DCHS2: variants seen among roughly 807,000 people sequenced by gnomAD.
DCHS2 encodes the protein protocadherin-23.
Under a neutral mutation model 182.4 loss-of-function variants are expected in DCHS2, and 142 were observed. The ratio of observed to expected loss-of-function variants is 0.78; its 90% confidence interval spans 0.68 to 0.89. The LOEUF is 0.89. Ranked by LOEUF, DCHS2 falls within the 40% of genes least tolerant of loss-of-function variation. DCHS2 has a pLI of 0.00. For missense variants in DCHS2, 4,319 were observed against 4,198.6 expected (o/e 1.03, Z -0.79); for synonymous variants, 1,740 against 1,663.3 (o/e 1.05, Z -1.12).
intron 1 of DCHS2, among the ~76,000 whole-genome samples, chr4:154,409,522 C>A (rs954597947): frequency 6.6e-6 from 1 of 152,142 alleles, no homozygotes; most frequent in African/African-American, 2.4e-5. Context: ...ACCTGGCCTC[C>A]TGAGCCTGAG....
intron 3 of DCHS2, among the ~76,000 whole-genome samples, chr4:154,360,660 C>A (rs1730078004): frequency 6.6e-6 from 1 of 152,062 alleles, no homozygotes; most frequent in Non-Finnish European, 1.5e-5. Flanking sequence ...GGTATAAAAT[C>A]TGAGCATAAA....
chr4:154,433,874 A>G (rs1030659981), intron 1 of DCHS2, among the ~76,000 whole-genome samples: 6 of 152,190 alleles, frequency 3.9e-5, no homozygotes, highest in Non-Finnish European at 8.8e-5. Context: ...GTCACTAAAC[A>G]ACAATCTACA....
intron 12 of DCHS2, among the ~76,000 whole-genome samples, chr4:154,304,253 AT>A (rs1200983774): frequency 6.6e-6 from 1 of 152,118 alleles, no homozygotes; most frequent in Non-Finnish European, 1.5e-5. Flanking sequence ...GAAAAACACT[AT>A]CTTTTCCATC....
In DCHS2 at chr4:154,237,054, G is replaced by T. The variant is rs1387031010; in HGVS notation, c.7598C>A (p.Thr2533Asn). ...DGGNPDLRAL[T>N]LVEIGIEDMN... is the part of the protein sequence containing the mutation. The stretch of plus-strand genomic sequence containing the variant: ...ATCTTCTATTCCTATCTCCACTAAA[G>T]TAAGAGCTCTCAGGTCAGGATTTCC... The change falls in exon 20 of 20, where the codon ACT (threonine) becomes AAT (asparagine). Residue 2533 changes from threonine to asparagine, a missense_variant. Transcript: ENST00000357232. The T allele has an allele frequency of 6.2e-7, 1 of 1,613,804 alleles. No homozygotes were observed.
intron 1 of DCHS2, among the ~76,000 whole-genome samples, chr4:154,403,966 C>T (rs185088428): frequency 6.6e-6 from 1 of 151,932 alleles, no homozygotes; most frequent in East Asian, 1.9e-4. Flanking sequence ...ACTTATCTTC[C>T]CTCTCTTTTT....
At position 154,491,281 on chromosome 4, in the gene DCHS2, G is replaced by T; in HGVS notation, c.75C>A (p.Leu25=). 2 of 1,549,744 alleles carry T rather than the reference G, an allele frequency of 1.3e-6. No individual in the cohort carries two copies. Among genetic ancestry groups the T allele is most frequent in the African/African-American group, 1.4e-5 (1 of 73,132 alleles). Residue 25 remains leucine, a synonymous_variant, in exon 1 of 20, where the codon CTC becomes CTA. Transcript: ENST00000357232. The part of the protein sequence containing the change: ...RRAPVGKLLL[L]PGRRDTPHGR... Reference sequence around the variant, plus strand: ...CATGGGGTGTATCTCTCCTCCCGGGGAGCAGAAGGAGCTTCCCGACCGGAG... The same window carrying T: ...CATGGGGTGTATCTCTCCTCCCGGGTAGCAGAAGGAGCTTCCCGACCGGAG...
intron 1 of DCHS2, among the ~76,000 whole-genome samples, chr4:154,466,624 T>C (rs1481101201): frequency 3.3e-5 from 5 of 152,192 alleles, no homozygotes; most frequent in African/African-American, 9.7e-5. Context: ...GGAAAACTGA[T>C]CTATTCGAAT....
chr4:154,410,591 A>AG lies in DCHS2; in HGVS notation c.2053-33148_2053-33147insC, dbSNP rs1407578916. ...CTCCATCTCAAAAAAAAAAAAAAAA[A>AG]AAAAAAAAAATGAAGGCAGCCTATG... On this transcript the variant is annotated intron_variant, in intron 1 of 19. Coordinates refer to ENST00000357232, the MANE Select transcript of DCHS2 (RefSeq NM_001358235.2). Among the ~76,000 whole-genome samples the AG allele has an allele frequency of 5.0e-4, 74 of 149,314 alleles. 2 individuals carry two copies. Among genetic ancestry groups the AG allele is most frequent in the Admixed American group, 4.8e-3 (71 of 14,918 alleles).
chr4:154,298,393 T>A lies in DCHS2; in HGVS notation c.5921A>T (p.Asp1974Val). 1.2e-6 allele frequency: 2 copies of A among 1,614,166 alleles called. No individual in the cohort carries two copies. The highest frequency in any genetic ancestry group is 1.7e-6 in the Non-Finnish European group (2 of 1,180,004). Reference protein sequence around the residue: ...LNGQTEYFLTDEASGAFTIDP... With the variant: ...LNGQTEYFLTVEASGAFTIDP... Reference sequence around the variant, plus strand: ...AATGGTGAATGCACCAGAAGCCTCATCAGTCAGAAAATACTCAGTTTGCCC... The same window carrying A: ...AATGGTGAATGCACCAGAAGCCTCAACAGTCAGAAAATACTCAGTTTGCCC... Residue 1974 changes from aspartate (D) to valine (V), a missense_variant, in exon 13 of 20, where the codon GAT (aspartate) becomes GTT (valine). Transcript: ENST00000357232.
At chr4:154,334,233 AG>A (rs1305769059) in intron 4 of DCHS2, 3 of 152,824 alleles carry the variant, frequency 2.0e-5, no homozygotes, top group Non-Finnish European at 4.4e-5. Flanking sequence ...GGAGAGAGGA[AG>A]GAACAGGAGG....
At chr4:154,281,163 A>G (rs1025838535) in intron 13 of DCHS2, among the ~76,000 whole-genome samples, 2 of 152,102 alleles carry the variant, frequency 1.3e-5, no homozygotes. Flanking sequence ...TTAACACAGT[A>G]TACAAGTCCT....
At chr4:154,359,084 A>G (rs1050739152) in intron 3 of DCHS2, among the ~76,000 whole-genome samples, 1 of 152,000 alleles carries the variant, frequency 6.6e-6, no homozygotes, top group Non-Finnish European at 1.5e-5. Flanking sequence ...ATTTTTCATG[A>G]CACTTGCAAA....
intron 12 of DCHS2, among the ~76,000 whole-genome samples, chr4:154,301,849 G>A (rs1340409290): frequency 6.6e-6 from 1 of 152,124 alleles, no homozygotes; most frequent in East Asian, 1.9e-4. Flanking sequence ...CGAGAATCAT[G>A]AACTCACTGG....
chr4:154,294,277 A>G (rs1734819571), intron 13 of DCHS2, among the ~76,000 whole-genome samples: 1 of 152,214 alleles, frequency 6.6e-6, no homozygotes, highest in African/African-American at 2.4e-5. Flanking sequence ...TATATCAAAT[A>G]TATAGTCAAC....
At chr4:154,453,026 G>T (rs947179565) in intron 1 of DCHS2, among the ~76,000 whole-genome samples, 2 of 152,152 alleles carry the variant, frequency 1.3e-5, no homozygotes, top group Non-Finnish European at 2.9e-5. Flanking sequence ...TTATTGCCTT[G>T]CTAAGCTCAC....
intron 13 of DCHS2, among the ~76,000 whole-genome samples, chr4:154,287,110 A>G (rs918606648): frequency 1.3e-5 from 2 of 152,224 alleles, no homozygotes; most frequent in African/African-American, 4.8e-5. Flanking sequence ...CTCAGTGAAA[A>G]TATCATTCAA....
At chr4:154,426,673 C>T (rs559896414) in intron 1 of DCHS2, among the ~76,000 whole-genome samples, 3 of 152,050 alleles carry the variant, frequency 2.0e-5, no homozygotes, top group Non-Finnish European at 4.4e-5. Context: ...ATGGCTCATG[C>T]CTGTAATCCC....
chr4:154,434,913 G>C (rs1460432902), intron 1 of DCHS2, among the ~76,000 whole-genome samples: 1 of 152,092 alleles, frequency 6.6e-6, no homozygotes, highest in African/African-American at 2.4e-5. Context: ...CAAAACCAAG[G>C]AAAGTCTGGG....
At chr4:154,333,531 A>C in intron 4 of DCHS2, 37 bp from the exon 5 acceptor site, 1 of 1,564,074 alleles carries the variant, frequency 6.4e-7, no homozygotes, top group Non-Finnish European at 8.7e-7. Flanking sequence ...TGTATGTCAA[A>C]AGGGTGGACC....
Sources: gnomAD v4.1 joint callset for allele counts (sites outside exome capture counted in the v4.1 genomes callset) on GRCh38, gnomAD v4.1.1 for gene constraint, MANE v1.5 for transcripts, NCBI Gene and HGNC (gene_info 2026-07-23, HGNC 2026-07-21) for gene names.